Variants in RABEP1 observed in about 807,000 individuals in gnomAD.
RABEP1 encodes the protein rabaptin, RAB GTPase binding effector protein 1.
In RABEP1, 51 loss-of-function variants were observed where a neutral mutation model predicts 123.4. The observed-to-expected ratio is 0.41, with a 90% CI of 0.33 to 0.52. The LOEUF (loss-of-function observed/expected upper bound fraction) is 0.52, where lower values mean the gene tolerates loss of function less well. Among genes scored for constraint, RABEP1 ranks in the 20% least tolerant of loss-of-function variants. RABEP1 has a pLI of 0.16. For synonymous variants in RABEP1, 347 were observed against 355.2 expected, an observed-to-expected ratio of 0.98 and a Z score of 0.26; for missense variants, 888 against 996.3, an observed-to-expected ratio of 0.89 and a Z score of 1.46.
chr17:5,319,869 A>AC (rs2075336344), intron 2 of RABEP1, among the ~76,000 whole-genome samples: 2 of 152,180 alleles, frequency 1.3e-5, no homozygotes, highest in African/African-American at 4.8e-5. Flanking sequence ...AGTGAAGATG[A>AC]CCTACAGGAT....
chr17:5,303,294 T>C (rs1001289683), intron 1 of RABEP1, among the ~76,000 whole-genome samples: 1 of 152,148 alleles, frequency 6.6e-6, no homozygotes, highest in Non-Finnish European at 1.5e-5. Context: ...CAGGCTGGAA[T>C]GCAGTGGTGC....
chr17:5,368,977 G>C (rs1345204108), intron 12 of RABEP1, among the ~76,000 whole-genome samples: 1 of 152,070 alleles, frequency 6.6e-6, no homozygotes, highest in Non-Finnish European at 1.5e-5. Context: ...GCGTGGTGGT[G>C]TGCACCTGCA....
At chr17:5,329,419 T>C (rs1906300255) in intron 2 of RABEP1, among the ~76,000 whole-genome samples, 1 of 152,154 alleles carries the variant, frequency 6.6e-6, no homozygotes, top group Non-Finnish European at 1.5e-5. Context: ...TAATCCCAGC[T>C]ACTTGGGAGG....
At chr17:5,285,665 C>T (rs1057377677) in intron 1 of RABEP1, among the ~76,000 whole-genome samples, 3 of 152,276 alleles carry the variant, frequency 2.0e-5, no homozygotes, top group South Asian at 4.1e-4. Context: ...ATCTTCATAG[C>T]AATGGTACTA....
chr17:5,283,849 T>A (rs1313622994), intron 1 of RABEP1: 1 of 152,232 alleles, frequency 6.6e-6, no homozygotes, highest in African/African-American at 2.4e-5. Context: ...GCATTTAGAC[T>A]TTTATAAGAA....
At chr17:5,286,138 C>T (rs2074975284) in intron 1 of RABEP1, among the ~76,000 whole-genome samples, 1 of 152,154 alleles carries the variant, frequency 6.6e-6, no homozygotes, top group Admixed American at 6.6e-5. Context: ...TGGATTTCCC[C>T]TGTAATCCTA....
intron 16 of RABEP1, among the ~76,000 whole-genome samples, chr17:5,380,739 C>A (rs767666427): frequency 6.6e-6 from 1 of 152,226 alleles, no homozygotes; most frequent in Non-Finnish European, 1.5e-5. Flanking sequence ...CAGTTAGAAG[C>A]ACTGCTTTGA....
intron 8 of RABEP1, among the ~76,000 whole-genome samples, chr17:5,358,747 T>C (rs951303498): frequency 6.6e-5 from 10 of 152,018 alleles, no homozygotes; most frequent in Admixed American, 2.0e-4. Flanking sequence ...AGTAGTCTGA[T>C]GTGGGGTCTT....
At chr17:5,363,303 TC>T (rs1357712871) in intron 10 of RABEP1, among the ~76,000 whole-genome samples, 1 of 151,754 alleles carries the variant, frequency 6.6e-6, no homozygotes, top group African/African-American at 2.4e-5. Flanking sequence ...CACTGCAACT[TC>T]CGACCCCCTG....
intron 2 of RABEP1, among the ~76,000 whole-genome samples, chr17:5,319,146 A>G (rs920759857): frequency 6.6e-6 from 1 of 151,888 alleles, no homozygotes; most frequent in African/African-American, 2.4e-5. Context: ...CCTGGCCAAC[A>G]TGGTGAAACC....
In RABEP1 at chr17:5,282,385, C is replaced by A. The variant is rs1565752; in HGVS notation, c.-102C>A. 0.013 allele frequency: 12,351 copies of A among 957,574 alleles called. 479 individuals are homozygous for A. The Admixed American group carries it at 0.16, about 12-fold the overall frequency. 59.3% of individuals were successfully genotyped at this position (957,574 alleles called of 1,614,324 possible). A position where few individuals can be genotyped will look rare whatever the true frequency, so the allele number is the denominator to read the frequency against. ...TTAGCGGTTTCTCTCTGGGCGGCGG[C>A]GGCGGCGGCTCGGTTGACGCCTCCT... On this transcript the variant is annotated 5_prime_UTR_variant, in exon 1 of 18. Transcript: ENST00000537505.
At chr17:5,355,147 C>G (rs1335714781) in intron 8 of RABEP1, among the ~76,000 whole-genome samples, 2 of 152,198 alleles carry the variant, frequency 1.3e-5, no homozygotes, top group Non-Finnish European at 2.9e-5. Flanking sequence ...CAGGCCACTC[C>G]CCTACTCAAA....
At chr17:5,322,253 G>C (rs1905441079) in intron 2 of RABEP1, among the ~76,000 whole-genome samples, 2 of 152,272 alleles carry the variant, frequency 1.3e-5, no homozygotes, top group African/African-American at 4.8e-5. Flanking sequence ...AGCTACTTGG[G>C]AGGCTGAGGT....
At chr17:5,377,457 A>T (rs183422862) in intron 14 of RABEP1, 152 bp downstream of exon 14, 148 of 463,724 alleles carry the variant, frequency 3.2e-4, no homozygotes, top group Non-Finnish European at 4.7e-4. Flanking sequence ...ATTCTGATAT[A>T]TTCAGATTCT....
intron 2 of RABEP1, among the ~76,000 whole-genome samples, chr17:5,321,948 C>T (rs770914633): frequency 1.3e-5 from 2 of 152,160 alleles, no homozygotes; most frequent in African/African-American, 2.4e-5. Context: ...CCTCTAATCC[C>T]AGCACTTTGG....
intron 2 of RABEP1, among the ~76,000 whole-genome samples, chr17:5,316,765 A>G (rs941554606): frequency 1.4e-5 from 2 of 144,886 alleles, no homozygotes; most frequent in Admixed American, 1.4e-4. Flanking sequence ...CCCAAGAGAC[A>G]GAGTTTGCAG....
At chr17:5,343,516 G>T (rs1289193433) in intron 5 of RABEP1, among the ~76,000 whole-genome samples, 2 of 151,598 alleles carry the variant, frequency 1.3e-5, no homozygotes, top group Non-Finnish European at 2.9e-5. Flanking sequence ...GCTGAGATTG[G>T]GCCACTGCAC....
intron 8 of RABEP1, among the ~76,000 whole-genome samples, chr17:5,354,766 T>G (rs910654500): frequency 2.0e-5 from 3 of 152,230 alleles, no homozygotes; most frequent in African/African-American, 7.2e-5. Flanking sequence ...TTAAATAATG[T>G]CTGCAAAATC....
chr17:5,292,060 G>C (rs896449527), intron 1 of RABEP1, among the ~76,000 whole-genome samples: 11 of 152,108 alleles, frequency 7.2e-5, no homozygotes, highest in Admixed American at 6.6e-4. Context: ...AGAGTGTTCT[G>C]GATCTGAAGT....
Sources: allele counts gnomAD v4.1 joint callset (sites outside exome capture counted in the v4.1 genomes callset), GRCh38; gene constraint gnomAD v4.1.1; transcripts MANE v1.5; gene names NCBI Gene and HGNC (gene_info 2026-07-23, HGNC 2026-07-21).